The following ARNT variants were observed in gnomAD, a reference collection of about 807,000 sequenced individuals.
ARNT encodes the protein aryl hydrocarbon receptor nuclear translocator.
In ARNT, 30 loss-of-function variants were observed where a neutral mutation model predicts 105.0. That is an observed-to-expected ratio of 0.29 (90% CI 0.21 to 0.39). The LOEUF (loss-of-function observed/expected upper bound fraction) is 0.39, where lower values mean the gene tolerates loss of function less well. Ranked by LOEUF, ARNT falls within the 10% of genes least tolerant of loss-of-function variation. The probability of loss-of-function intolerance (pLI) is 1.00; values close to 1 mark genes in which losing one functional copy is unlikely to be tolerated. For missense variants in ARNT, 748 were observed against 978.7 expected, an observed-to-expected ratio of 0.76 and a Z score of 3.15; for synonymous variants, 304 against 344.0, an observed-to-expected ratio of 0.88 and a Z score of 1.29.
chr1:150,827,768 T>C (rs587696316), intron 12 of ARNT, among the ~76,000 whole-genome samples: 34 of 152,368 alleles, frequency 2.2e-4, no homozygotes, highest in African/African-American at 8.2e-4. Flanking sequence ...GCAAAGCTAG[T>C]AGCTATACCA....
intron 19 of ARNT, among the ~76,000 whole-genome samples, chr1:150,815,945 C>G (rs1049234224): frequency 6.6e-6 from 1 of 151,932 alleles, no homozygotes; most frequent in African/African-American, 2.4e-5. Flanking sequence ...CTCCTTTGCT[C>G]CTGCCTTATG....
At chr1:150,852,974 A>G in intron 2 of ARNT, 168 bp from the exon 3 acceptor site, 1 of 842,420 alleles carries the variant, frequency 1.2e-6, no homozygotes, top group Non-Finnish European at 1.9e-6. Context: ...ATAGTCCCAA[A>G]CTAGGCAAAG....
intron 1 of ARNT, among the ~76,000 whole-genome samples, chr1:150,874,834 T>C (rs1322335556): frequency 6.6e-6 from 1 of 152,200 alleles, no homozygotes; most frequent in African/African-American, 2.4e-5. Context: ...ACAAGGATTC[T>C]GCACACACAC....
rs1245240085 is a variant in ARNT at position 150,875,132 on chromosome 1, CAGAT to C, written c.25+1407_25+1410del. On this transcript the variant is annotated intron_variant, in intron 1 of 21. Transcript: ENST00000358595. ...TCTTGTTTATTTATTCCATAGTTCA[CAGAT>C]AGGTTATATTACTACAAGGTCAGGT... Among the ~76,000 whole-genome samples, 7 of 152,242 alleles carry C rather than the reference CAGAT, an allele frequency of 4.6e-5. No homozygotes were observed. In the East Asian group the frequency reaches 9.6e-4, roughly 21 times the overall value.
intron 1 of ARNT, among the ~76,000 whole-genome samples, chr1:150,861,700 A>G (rs1416362297): frequency 1.3e-5 from 2 of 152,210 alleles, no homozygotes; most frequent in Non-Finnish European, 2.9e-5. Context: ...TACAGGCATG[A>G]GTCACCACGC....
At chr1:150,850,546 G>A (rs1274265723) in intron 3 of ARNT, among the ~76,000 whole-genome samples, 1 of 152,262 alleles carries the variant, frequency 6.6e-6, no homozygotes, top group African/African-American at 2.4e-5. Context: ...GGCCTCCCGA[G>A]GTGCCGGGAT....
chr1:150,870,368 T>G (rs1667240765), intron 1 of ARNT, among the ~76,000 whole-genome samples: 2 of 152,360 alleles, frequency 1.3e-5, no homozygotes, highest in Admixed American at 6.5e-5. Context: ...GGTTTTACAT[T>G]CATTTTTATT....
chr1:150,868,944 C>A (rs769660583), intron 1 of ARNT, among the ~76,000 whole-genome samples: 39 of 151,306 alleles, frequency 2.6e-4, no homozygotes, highest in Non-Finnish European at 4.4e-4. Context: ...GCCTGGGCAA[C>A]ATAGCGAGAT....
intron 1 of ARNT, among the ~76,000 whole-genome samples, chr1:150,873,557 G>A (rs988699954): frequency 2.0e-5 from 3 of 152,066 alleles, no homozygotes; most frequent in South Asian, 2.1e-4. Flanking sequence ...GCAGAAGAAC[G>A]TGGTCCCCTT....
At chr1:150,846,668 A>C (rs1350062224) in intron 3 of ARNT, among the ~76,000 whole-genome samples, 1 of 152,188 alleles carries the variant, frequency 6.6e-6, no homozygotes, top group Non-Finnish European at 1.5e-5. Flanking sequence ...TTAAGTGTAC[A>C]GTTGAGTAGT....
Position 150,810,246 on chromosome 1 carries a change from C to CA in ARNT, c.*1774dup, listed in dbSNP as rs1224671343. On this transcript the variant is annotated 3_prime_UTR_variant, in exon 22 of 22. Coordinates refer to ENST00000358595, the MANE Select transcript of ARNT (RefSeq NM_001668.4). Reference sequence around the variant, plus strand: ...TAAAACCCTGAAGGAAAAGCAAAAACAAAACCCCCAGAGCATCTTCTCGCT... The same window carrying CA: ...TAAAACCCTGAAGGAAAAGCAAAAACAAAAACCCCCAGAGCATCTTCTCGCT... 1 of 232,902 alleles carries CA rather than the reference C, an allele frequency of 4.3e-6. No homozygotes were observed. Among genetic ancestry groups the CA allele is most frequent in the East Asian group, 6.0e-5 (1 of 16,636 alleles). The allele number at this position is 232,902 out of a possible 1,614,324, so 14.4% of individuals were successfully genotyped here. A position where few individuals can be genotyped will look rare whatever the true frequency, so the allele number is the denominator to read the frequency against.
rs962701203 is a variant in ARNT, at chr1:150,829,244, A to G, written c.1033-17T>C. ...ACTAGTTACCTGAGAGTGAAGAGAT[A>G]AAAATGAGGTAAAATGATACCATTA... On this transcript the variant is annotated splice_polypyrimidine_tract_variant and intron_variant, in intron 11 of 21. Coordinates refer to ENST00000358595, the MANE Select transcript of ARNT (RefSeq NM_001668.4). The G allele has an allele frequency of 1.2e-6, 2 of 1,610,830 alleles. No individual in the cohort carries two copies. The highest frequency in any genetic ancestry group is 1.7e-6 in the Non-Finnish European group (2 of 1,177,594).
chr1:150,829,418 C>T (rs1258985181), intron 11 of ARNT, 191 bp from the exon 12 acceptor site: 6 of 623,770 alleles, frequency 9.6e-6, no homozygotes, highest in Non-Finnish European at 1.7e-5. Context: ...AGCTCTGCTC[C>T]CATACATTTA....
chr1:150,835,208 G>C (rs1481116362), intron 7 of ARNT, among the ~76,000 whole-genome samples: 1 of 150,402 alleles, frequency 6.6e-6, no homozygotes, highest in Non-Finnish European at 1.5e-5. Flanking sequence ...ATATGTTATA[G>C]AAACATATAG....
Position 150,816,872 on chromosome 1 carries a change from G to A in ARNT, c.1718C>T (p.Ser573Phe), listed in dbSNP as rs769729276. Residue 573 changes from serine (S) to phenylalanine (F), a missense_variant, in exon 18 of 22, where the codon TCC becomes TTC. By Grantham distance (155) the Ser-to-Phe change is radical. Transcript: ENST00000358595. ...TTGGGTGGCAGGGACAGTGCTGGAGGAGATGCCTTTACTCTGATCTGTGGA... is the reference window on the plus strand; with the variant it reads ...TTGGGTGGCAGGGACAGTGCTGGAGAAGATGCCTTTACTCTGATCTGTGGA... ...NINADQSKGISSSTVPATQQL... is the reference protein window; with the variant it reads ...NINADQSKGIFSSTVPATQQL... The A allele has an allele frequency of 1.9e-6, 3 of 1,604,472 alleles. No homozygotes were observed. In the East Asian group the frequency reaches 6.7e-5, roughly 36 times the overall value.
intron 15 of ARNT, 127 bp from the exon 16 acceptor site, chr1:150,817,560 C>T: frequency 1.1e-6 from 1 of 878,556 alleles, no homozygotes; most frequent in Admixed American, 2.5e-5. Context: ...GTAATCCCAA[C>T]ACTTTGGGAG....
At chr1:150,841,483 G>T (rs1661291457) in intron 5 of ARNT, among the ~76,000 whole-genome samples, 1 of 152,048 alleles carries the variant, frequency 6.6e-6, no homozygotes, top group Admixed American at 6.6e-5. Context: ...ACAGTGAAAG[G>T]GTTAGTAAGA....
At chr1:150,845,734 T>G (rs1044721064) in intron 4 of ARNT, among the ~76,000 whole-genome samples, 2 of 151,716 alleles carry the variant, frequency 1.3e-5, no homozygotes, top group African/African-American at 4.8e-5. Flanking sequence ...AAACCCCATC[T>G]CTACTAAAAA....
chr1:150,852,545 C>T (rs1440955743), intron 3 of ARNT, among the ~76,000 whole-genome samples: 1 of 152,104 alleles, frequency 6.6e-6, no homozygotes, highest in Non-Finnish European at 1.5e-5. Flanking sequence ...AGAACTGATA[C>T]AGAGGGTTTG....
Sources: allele counts gnomAD v4.1 joint callset (sites outside exome capture counted in the v4.1 genomes callset), GRCh38; gene constraint gnomAD v4.1.1; transcripts MANE v1.5; gene names NCBI Gene and HGNC (gene_info 2026-07-23, HGNC 2026-07-21).